SHANK2: variants seen among roughly 807,000 people sequenced by gnomAD.
SHANK2 encodes SH3 and multiple ankyrin repeat domains protein 2.
A neutral mutation model predicts 133.7 loss-of-function variants in SHANK2; 43 were observed. The ratio of observed to expected loss-of-function variants is 0.32; its 90% confidence interval spans 0.25 to 0.41. The LOEUF is 0.41. Ranked by LOEUF, SHANK2 falls within the 10% of genes least tolerant of loss-of-function variation. The probability of loss-of-function intolerance (pLI) is 1.00; values close to 1 mark genes in which losing one functional copy is unlikely to be tolerated. For synonymous variants in SHANK2, 1,017 were observed against 952.8 expected (o/e 1.07, Z -1.24); for missense variants, 1,994 against 2,235.8 (o/e 0.89, Z 2.18).
intron 10 of SHANK2, among the ~76,000 whole-genome samples, chr11:70,939,966 G>T (rs1283273566): frequency 1.3e-5 from 2 of 152,102 alleles, no homozygotes; most frequent in Admixed American, 6.5e-5. Flanking sequence ...GACCACAGGG[G>T]TTGAGCTGGG....
intron 14 of SHANK2, among the ~76,000 whole-genome samples, chr11:70,715,001 G>T (rs1402464544): frequency 3.3e-5 from 5 of 151,076 alleles, no homozygotes; most frequent in Non-Finnish European, 7.4e-5. Context: ...TAGAGATGAG[G>T]TCTATGTTGC....
At chr11:71,070,561 C>T (rs1311669116) in intron 9 of SHANK2, among the ~76,000 whole-genome samples, 2 of 151,918 alleles carry the variant, frequency 1.3e-5, no homozygotes, top group Non-Finnish European at 2.9e-5. Context: ...GGAGAAGCCA[C>T]TCAATCCTGG....
Position 71,119,211 on chromosome 11 carries a change from C to T in SHANK2, c.208-179G>A, listed in dbSNP as rs1200666049. 3.3e-5 allele frequency among the ~76,000 whole-genome samples: 5 copies of T among 152,182 alleles called. No individual in the cohort carries two copies. The East Asian group carries it at 9.7e-4, about 29-fold the overall frequency. ...AGCCTACTGGTTGCTGGGACACAGA[C>T]ATTCGGTAAATATAAAAGGGAAAAA... On this transcript the variant is annotated intron_variant, in intron 3 of 25. Coordinates refer to ENST00000601538, the MANE Select transcript of SHANK2 (RefSeq NM_012309.5).
intron 17 of SHANK2, among the ~76,000 whole-genome samples, chr11:70,521,800 C>A (rs1393472342): frequency 2.0e-5 from 3 of 152,194 alleles, no homozygotes; most frequent in Non-Finnish European, 2.9e-5. Context: ...GTAACAACAC[C>A]CCCTGGAGAC....
intron 6 of SHANK2, among the ~76,000 whole-genome samples, chr11:71,095,598 C>T (rs1173799158): frequency 1.3e-5 from 2 of 152,194 alleles, no homozygotes; most frequent in South Asian, 2.1e-4. Context: ...AAAGAAAACT[C>T]GGATGCCTTT....
At chr11:70,753,054 A>G (rs1162435682) in intron 14 of SHANK2, among the ~76,000 whole-genome samples, 1 of 152,118 alleles carries the variant, frequency 6.6e-6, no homozygotes, top group African/African-American at 2.4e-5. Flanking sequence ...TGGAGGTTGC[A>G]GTGAGCCAAG....
Position 70,502,905 on chromosome 11 carries a change from G to C in SHANK2, c.2088C>G (p.Val696=). 1 of 1,614,122 alleles carries C rather than the reference G, an allele frequency of 6.2e-7. No individual in the cohort carries two copies. The highest frequency in any genetic ancestry group is 8.5e-7 in the Non-Finnish European group (1 of 1,180,012). The change falls in exon 18 of 26, where the codon GTC becomes GTG. Residue 696 remains valine (V), a synonymous_variant. Transcript: ENST00000601538. The part of the protein sequence containing the change: ...IEVNNENVVK[V]GHRQVVNMIR... ...TCATGTTCACCACCTGCCTGTGGCC[G>C]ACTTTGACAACATTCTCATTGTTAA... is the stretch of plus-strand genomic sequence containing the variant.
At chr11:70,919,776 C>A (rs1950322212) in intron 10 of SHANK2, among the ~76,000 whole-genome samples, 2 of 152,202 alleles carry the variant, frequency 1.3e-5, no homozygotes, top group Admixed American at 6.5e-5. Flanking sequence ...TTCTGGTAGC[C>A]ACTATCCTAC....
intron 17 of SHANK2, among the ~76,000 whole-genome samples, chr11:70,619,620 T>C (rs1036801891): frequency 6.6e-6 from 1 of 152,184 alleles, no homozygotes; most frequent in Admixed American, 6.5e-5. Context: ...CGTGGACATC[T>C]TGGGGACCCT....
intron 14 of SHANK2, among the ~76,000 whole-genome samples, chr11:70,702,516 C>T (rs1341147590): frequency 6.6e-6 from 1 of 151,820 alleles, no homozygotes; most frequent in African/African-American, 2.4e-5. Flanking sequence ...CACCACCATC[C>T]TCTTCTTCAC....
intron 17 of SHANK2, among the ~76,000 whole-genome samples, chr11:70,613,126 G>A (rs186561114): frequency 5.9e-5 from 9 of 152,342 alleles, no homozygotes; most frequent in Admixed American, 3.3e-4. Context: ...TGCACAGCAG[G>A]TGTGTCTTTC....
At chr11:70,845,198 CAAAAAA>C (rs782471301) in intron 11 of SHANK2, among the ~76,000 whole-genome samples, 1 of 51,694 alleles carries the variant, frequency 1.9e-5, no homozygotes, top group East Asian at 5.7e-4. Context: ...GACTCTGTCT[CAAAAAA>C]AAAAAAAAAA....
intron 14 of SHANK2, among the ~76,000 whole-genome samples, chr11:70,778,504 G>T (rs1236411044): frequency 3.9e-5 from 6 of 152,196 alleles, no homozygotes; most frequent in Non-Finnish European, 7.3e-5. Context: ...ACTTTAGAGA[G>T]GTAATTAAGA....
chr11:71,124,163 A>G (rs1439262361), intron 3 of SHANK2, among the ~76,000 whole-genome samples: 6 of 138,218 alleles, frequency 4.3e-5, no homozygotes, highest in African/African-American at 1.7e-4. Context: ...GTATTATGAT[A>G]GCGATGATGG....
rs1186144718 is a variant in SHANK2 at position 70,955,422 on chromosome 11, G to GGTGTGTGTGTGT, written c.1108-58867_1108-58856dup. Among the ~76,000 whole-genome samples, 428 of 146,556 alleles carry GGTGTGTGTGTGT rather than the reference G, an allele frequency of 2.9e-3. 4 individuals carry two copies. Among genetic ancestry groups the GGTGTGTGTGTGT allele is most frequent in the African/African-American group, 9.2e-3 (358 of 38,982 alleles). On this transcript the variant is annotated intron_variant, in intron 10 of 25. Coordinates refer to ENST00000601538, the MANE Select transcript of SHANK2 (RefSeq NM_012309.5). ...GTTCTCCAGAGACACAGACCCACGG[G>GGTGTGTGTGTGT]GTGTGTGTGTGTGTGTGTGTGTGTG... is the stretch of plus-strand genomic sequence containing the variant.
intron 14 of SHANK2, among the ~76,000 whole-genome samples, chr11:70,717,221 G>A (rs950323864): frequency 1.3e-5 from 2 of 152,156 alleles, no homozygotes; most frequent in Non-Finnish European, 2.9e-5. Context: ...GAAAGAACAC[G>A]CCAGAAAATG....
rs868976923 is a variant in SHANK2, at chr11:71,114,371, C to T, written c.412-1007G>A. Among the ~76,000 whole-genome samples the T allele has an allele frequency of 1.3e-4, 20 of 152,108 alleles. 1 individual carries two copies. The highest frequency in any genetic ancestry group is 6.2e-4 in the South Asian group (3 of 4,820). ...ACCGCCCCTGGGTAAAATGATGGTG[C>T]GGGGCAGGTGGCGGGTGAGCTCATC... On this transcript the variant is annotated intron_variant, in intron 4 of 25. Transcript: ENST00000601538.
chr11:71,208,786 C>T (rs1954186127), intron 2 of SHANK2, among the ~76,000 whole-genome samples: 1 of 152,174 alleles, frequency 6.6e-6, no homozygotes, highest in African/African-American at 2.4e-5. Flanking sequence ...GAAGACTGGA[C>T]TTTTTATTGA....
intron 8 of SHANK2, among the ~76,000 whole-genome samples, chr11:71,089,958 G>A (rs1443534200): frequency 1.3e-5 from 2 of 152,180 alleles, no homozygotes; most frequent in Admixed American, 6.5e-5. Flanking sequence ...GGGACAAAGC[G>A]AGGGCAGGGC....
Sources: allele counts gnomAD v4.1 joint callset (sites outside exome capture counted in the v4.1 genomes callset), GRCh38; gene constraint gnomAD v4.1.1; transcripts MANE v1.5; gene names NCBI Gene and HGNC (gene_info 2026-07-23, HGNC 2026-07-21).